The following PSD3 variants were observed in gnomAD, a reference collection of about 807,000 sequenced individuals.
The protein encoded by PSD3 is pleckstrin and Sec7 domain containing 3, also known as PH and SEC7 domain-containing protein 3.
A neutral mutation model predicts 105.5 loss-of-function variants in PSD3; 49 were observed. That is an observed-to-expected ratio of 0.46 (90% CI 0.37 to 0.59). PSD3 has a LOEUF of 0.59. Among genes scored for constraint, PSD3 ranks in the 20% least tolerant of loss-of-function variants. PSD3 has a pLI of 0.00. For missense variants in PSD3, 1,561 were observed against 1,263.8 expected (o/e 1.24, Z -3.57); for synonymous variants, 557 against 457.8 (o/e 1.22, Z -2.77).
rs762773524 is a variant in PSD3, at chr8:18,532,857, C to G, written c.*2886G>C. 8 of 152,088 alleles carry G rather than the reference C, an allele frequency of 5.3e-5. No homozygotes were observed. Among genetic ancestry groups the G allele is most frequent in the Non-Finnish European group, 1.0e-4 (7 of 68,040 alleles). The allele number at this position is 152,088 out of a possible 1,614,324, so 9.4% of individuals were successfully genotyped here. ...GTCAATTTTGCAACAACACTATGAC[C>G]AAGGCATTCTGATAGCTGTCAAGAT... On this transcript the variant is annotated 3_prime_UTR_variant, in exon 16 of 16. Coordinates refer to ENST00000327040, the MANE Select transcript of PSD3 (RefSeq NM_015310.4).
In PSD3 at chr8:18,765,520, T is replaced by C; in HGVS notation, c.2101A>G (p.Thr701Ala). Residue 701 changes from threonine to alanine, a missense_variant, in exon 9 of 16, where the codon ACC becomes GCC. Coordinates refer to ENST00000327040, the MANE Select transcript of PSD3 (RefSeq NM_015310.4). ...LHGHNIGKKM[T>A]CQEFIANLQG... The stretch of plus-strand genomic sequence containing the variant: ...AGATTTGCAATGAACTCCTGACAGG[T>C]CATCTTCTTTCCAATATTCTGAAAC... 1.2e-6 allele frequency: 2 copies of C among 1,610,078 alleles called. No individual in the cohort carries two copies. Among genetic ancestry groups the C allele is most frequent in the Non-Finnish European group, 1.7e-6 (2 of 1,176,410 alleles).
chr8:19,022,213 T>G (rs1011755423), intron 1 of PSD3, among the ~76,000 whole-genome samples: 6 of 152,148 alleles, frequency 3.9e-5, no homozygotes, highest in African/African-American at 1.4e-4. Flanking sequence ...GTCCCCATGA[T>G]TCAATCACCT....
intron 4 of PSD3, chr8:18,808,607 A>G (rs1041386005): frequency 9.0e-7 from 1 of 1,108,572 alleles, no homozygotes; most frequent in East Asian, 2.7e-5. Flanking sequence ...GGTTTCAGTA[A>G]AAGGAGAAAA....
At chr8:18,593,421 G>A (rs1803760066) in intron 12 of PSD3, among the ~76,000 whole-genome samples, 2 of 152,210 alleles carry the variant, frequency 1.3e-5, no homozygotes, top group South Asian at 2.1e-4. Context: ...AAACCACAAT[G>A]AGATATCATC....
At chr8:19,010,352 G>T (rs1343922637) in intron 1 of PSD3, among the ~76,000 whole-genome samples, 3 of 152,168 alleles carry the variant, frequency 2.0e-5, no homozygotes, top group Admixed American at 6.5e-5. Context: ...CCTTCTGGGC[G>T]CAGTGAAAAA....
upstream of PSD3, chr8:19,013,710 C>A: frequency 5.0e-6 from 4 of 799,186 alleles, no homozygotes; most frequent in Non-Finnish European, 6.4e-6. Context: ...TGCCGAGAGG[C>A]GGCGGCCCGC....
chr8:19,083,881 T>A (rs571333696), intron 1 of PSD3, among the ~76,000 whole-genome samples: 3 of 152,338 alleles, frequency 2.0e-5, no homozygotes, highest in South Asian at 4.1e-4. Context: ...ACCCAATAAA[T>A]GTCTGGGTAC....
intron 9 of PSD3, among the ~76,000 whole-genome samples, chr8:18,657,368 T>C (rs1027182086): frequency 2.0e-4 from 30 of 152,250 alleles, no homozygotes; most frequent in African/African-American, 7.0e-4. Context: ...TTAGCCAGTA[T>C]CTTGACAAAC....
At chr8:19,077,494 A>C (rs940523176) in intron 1 of PSD3, among the ~76,000 whole-genome samples, 3 of 152,204 alleles carry the variant, frequency 2.0e-5, no homozygotes, top group African/African-American at 7.2e-5. Flanking sequence ...AAAAAAATGC[A>C]GCCCTGCCAT....
At chr8:18,730,288 T>C (rs942560762) in intron 9 of PSD3, 1 of 152,222 alleles carries the variant, frequency 6.6e-6, no homozygotes, top group Non-Finnish European at 1.5e-5. Context: ...TCAACACTGC[T>C]ACCAAATCTC....
chr8:18,982,802 T>C (rs1307375915), intron 1 of PSD3, among the ~76,000 whole-genome samples: 3 of 152,196 alleles, frequency 2.0e-5, no homozygotes, highest in Non-Finnish European at 1.5e-5. Flanking sequence ...GTTACATTTA[T>C]AGAGCACAAG....
At chr8:18,853,950 T>C (rs1256942062) in intron 4 of PSD3, 1 of 152,162 alleles carries the variant, frequency 6.6e-6, no homozygotes. Context: ...ATATGATCAT[T>C]TTCCTAAGTC....
At chr8:18,966,302 G>A (rs991579194) in intron 1 of PSD3, among the ~76,000 whole-genome samples, 32 of 152,168 alleles carry the variant, frequency 2.1e-4, no homozygotes, top group Non-Finnish European at 4.0e-4. Flanking sequence ...AGGTGCGGTG[G>A]CTCAGGCCTG....
intron 9 of PSD3, among the ~76,000 whole-genome samples, chr8:18,704,301 T>C (rs544311286): frequency 7.9e-5 from 12 of 152,312 alleles, no homozygotes; most frequent in African/African-American, 2.4e-4. Context: ...CAAGATGAAC[T>C]TACACAATGG....
In PSD3 at chr8:18,708,913, T is replaced by C. The variant is rs886519552; in HGVS notation, c.2173-53228A>G. Among the ~76,000 whole-genome samples the C allele has an allele frequency of 4.6e-5, 7 of 151,352 alleles. No homozygotes were observed. In the South Asian group the frequency reaches 1.5e-3, roughly 32 times the overall value. ...AACTCCCACCTCCAGTCAAGGGAGG[T>C]GGAGAGTGATCATACTACCCCACCA... On this transcript the variant is annotated intron_variant, in intron 9 of 15. Coordinates refer to ENST00000327040, the MANE Select transcript of PSD3 (RefSeq NM_015310.4).
At chr8:19,066,176 G>T (rs1586686451) in intron 1 of PSD3, among the ~76,000 whole-genome samples, 1 of 152,232 alleles carries the variant, frequency 6.6e-6, no homozygotes, top group East Asian at 1.9e-4. Context: ...ATTTTTAAAA[G>T]CAGTTCCCAA....
chr8:19,044,154 A>G (rs1013937468), intron 1 of PSD3, among the ~76,000 whole-genome samples: 1 of 152,232 alleles, frequency 6.6e-6, no homozygotes, highest in Admixed American at 6.5e-5. Flanking sequence ...TTTCGTTTTC[A>G]GGACCTTTCC....
chr8:18,668,257 G>C (rs759753263), intron 9 of PSD3, among the ~76,000 whole-genome samples: 2 of 152,230 alleles, frequency 1.3e-5, no homozygotes, highest in Non-Finnish European at 2.9e-5. Flanking sequence ...ACTGTGATTA[G>C]AAATTGTAAG....
intron 9 of PSD3, among the ~76,000 whole-genome samples, chr8:18,743,648 C>CA (rs1247651404): frequency 6.6e-6 from 1 of 151,402 alleles, no homozygotes; most frequent in African/African-American, 2.4e-5. Flanking sequence ...ATACTTTATG[C>CA]AAAATAAATT....
Sources: gnomAD v4.1 joint callset for allele counts (sites outside exome capture counted in the v4.1 genomes callset) on GRCh38, gnomAD v4.1.1 for gene constraint, MANE v1.5 for transcripts, NCBI Gene and HGNC (gene_info 2026-07-23, HGNC 2026-07-21) for gene names.